Variants in SLC9A7 observed in about 807,000 individuals in gnomAD.
The protein encoded by SLC9A7 is sodium/hydrogen exchanger 7.
A neutral mutation model predicts 52.6 loss-of-function variants in SLC9A7; 19 were observed. The observed-to-expected ratio is 0.36, with a 90% confidence interval of 0.25 to 0.53. The LOEUF (loss-of-function observed/expected upper bound fraction) is 0.53, where lower values mean the gene tolerates loss of function less well. Ranked by LOEUF, SLC9A7 falls within the 20% of genes least tolerant of loss-of-function variation. SLC9A7 has a pLI of 0.91. For synonymous variants in SLC9A7, 226 were observed against 252.1 expected, an observed-to-expected ratio of 0.90 and a Z score of 0.98; for missense variants, 455 against 597.9, an observed-to-expected ratio of 0.76 and a Z score of 2.49.
chrX:46,715,622 A>G (rs1944757876), intron 1 of SLC9A7, among the ~76,000 whole-genome samples: 1 of 112,071 alleles, frequency 8.9e-6, no homozygotes, highest in Non-Finnish European at 1.9e-5. Context: ...CAGTCTTGAG[A>G]AGCCTTATAC....
chrX:46,662,148 A>C lies in SLC9A7; in HGVS notation c.909T>G (p.Val303=), dbSNP rs888168730. The change falls in exon 7 of 17, where the codon GTT becomes GTG. Residue 303 remains valine (V), a synonymous_variant. Transcript: ENST00000616978. ...AVAIVLSSSI[V]AYQPAGLNTH... ...TGTTCAGTCCCGCTGGCTGGTAGGCAACAATAGACCTAAAGTTTAAAAACA... is the reference window on the plus strand; with the variant it reads ...TGTTCAGTCCCGCTGGCTGGTAGGCCACAATAGACCTAAAGTTTAAAAACA... 1.7e-6 allele frequency: 2 copies of C among 1,205,762 alleles called. No individual in the cohort carries two copies. Among genetic ancestry groups the C allele is most frequent in the Non-Finnish European group, 2.2e-6 (2 of 893,457 alleles).
chrX:46,726,143 T>C (rs1009731047), intron 1 of SLC9A7, among the ~76,000 whole-genome samples: 6 of 110,824 alleles, frequency 5.4e-5, no homozygotes, highest in African/African-American at 2.0e-4. Context: ...ATCCTAACAC[T>C]TTGGGAGGCC....
chrX:46,682,024 G>T (rs1198521463), intron 2 of SLC9A7, among the ~76,000 whole-genome samples: 1 of 112,145 alleles, frequency 8.9e-6, no homozygotes, highest in Non-Finnish European at 1.9e-5. Context: ...AAGGATAAGA[G>T]ACATAGCAAA....
At chrX:46,670,438 G>A (rs1485152772) in intron 4 of SLC9A7, among the ~76,000 whole-genome samples, 2 of 111,178 alleles carry the variant, frequency 1.8e-5, no homozygotes, top group Non-Finnish European at 3.8e-5. Context: ...AAATTGGGAG[G>A]AGTGAGGAGT....
intron 13 of SLC9A7, among the ~76,000 whole-genome samples, chrX:46,634,157 C>T (rs1943280886): frequency 9.0e-6 from 1 of 111,399 alleles, no homozygotes; most frequent in South Asian, 3.7e-4. Context: ...TTTAGCATTC[C>T]CCTGATACAT....
intron 1 of SLC9A7, among the ~76,000 whole-genome samples, chrX:46,710,217 T>C (rs1161187854): frequency 1.8e-5 from 2 of 112,213 alleles, no homozygotes; most frequent in Non-Finnish European, 3.8e-5. Context: ...GCCAAAGTTA[T>C]GTGAGCAAGG....
At chrX:46,644,829 C>T (rs1943463991) in intron 11 of SLC9A7, among the ~76,000 whole-genome samples, 1 of 111,731 alleles carries the variant, frequency 9.0e-6, no homozygotes, top group South Asian at 3.7e-4. Context: ...CTACAATTCA[C>T]TAAAGAAGAG....
intron 1 of SLC9A7, among the ~76,000 whole-genome samples, chrX:46,686,563 G>T (rs1453593847): frequency 9.0e-6 from 1 of 111,563 alleles, no homozygotes; most frequent in Admixed American, 9.5e-5. Context: ...ATCCTGACAG[G>T]GAACTGTGAA....
At chrX:46,748,392 GA>G (rs1921968157) in intron 1 of SLC9A7, among the ~76,000 whole-genome samples, 1 of 103,548 alleles carries the variant, frequency 9.7e-6, no homozygotes, top group African/African-American at 3.5e-5. Flanking sequence ...AGGAAGGAAG[GA>G]AGGAAGGAAG....
Position 46,653,620 on chromosome X carries a change from CAGGCT to C in SLC9A7, c.1131_1135del (p.Ala378ArgfsTer36). On this transcript the variant is annotated frameshift_variant, in exon 8 of 17. Coordinates refer to ENST00000616978, the MANE Select transcript of SLC9A7 (RefSeq NM_001257291.2). LOFTEE classifies it high-confidence loss of function. Reference sequence around the variant, plus strand: ...TAGAAAAAACCTACCTGTAAATCCGCAGGCTTCTGCCAAGAGAAACGTGCTCCAGG... The same window carrying C: ...TAGAAAAAACCTACCTGTAAATCCGCTCTGCCAAGAGAAACGTGCTCCAGG... 1 of 1,207,908 alleles carries C rather than the reference CAGGCT, an allele frequency of 8.3e-7. No individual in the cohort carries two copies. The highest frequency in any genetic ancestry group is 1.1e-6 in the Non-Finnish European group (1 of 892,375).
intron 3 of SLC9A7, among the ~76,000 whole-genome samples, chrX:46,673,640 C>T (rs746013354): frequency 5.4e-5 from 6 of 112,107 alleles, no homozygotes; most frequent in East Asian, 2.8e-4. Flanking sequence ...AGGAGAGCCC[C>T]AGCATGTCAG....
chrX:46,744,631 C>T (rs1222921213), intron 1 of SLC9A7, among the ~76,000 whole-genome samples: 1 of 112,088 alleles, frequency 8.9e-6, no homozygotes, highest in Non-Finnish European at 1.9e-5. Context: ...GCCTATGATA[C>T]AATTTGAAAG....
chrX:46,753,700 T>C (rs1556289823), intron 1 of SLC9A7, among the ~76,000 whole-genome samples: 2 of 111,684 alleles, frequency 1.8e-5, no homozygotes. Context: ...AGAGTAGGTG[T>C]GGGCCGGGCA....
At chrX:46,668,432 C>G (rs917907813) in intron 5 of SLC9A7, among the ~76,000 whole-genome samples, 1 of 110,812 alleles carries the variant, frequency 9.0e-6, no homozygotes, top group South Asian at 3.8e-4. Flanking sequence ...GAGGCAGAGG[C>G]GGAGGCAGAG....
At chrX:46,732,553 G>GA (rs201154560) in intron 1 of SLC9A7, among the ~76,000 whole-genome samples, 150 of 89,377 alleles carry the variant, frequency 1.7e-3, no homozygotes, top group Non-Finnish European at 2.1e-3. Context: ...ACTGTCTCAA[G>GA]AAAAAAAAAA....
At chrX:46,706,595 C>T (rs986914756) in intron 1 of SLC9A7, among the ~76,000 whole-genome samples, 1 of 109,387 alleles carries the variant, frequency 9.1e-6, no homozygotes, top group Non-Finnish European at 1.9e-5. Context: ...ATCTCTCTGA[C>T]ACCTCTAACT....
At chrX:46,674,086 G>C (rs1261778230) in intron 3 of SLC9A7, among the ~76,000 whole-genome samples, 1 of 111,625 alleles carries the variant, frequency 9.0e-6, no homozygotes. Context: ...GGCTAGGAGT[G>C]TACCAAGAAC....
At chrX:46,758,602 A>T (rs782475941) in intron 1 of SLC9A7, 103 bp downstream of exon 1, 1 of 471,987 alleles carries the variant, frequency 2.1e-6, no homozygotes, top group Non-Finnish European at 3.3e-6. Context: ...AACGTAAAAG[A>T]AACGGAACAC....
At chrX:46,628,416 T>C (rs1210888525) in intron 14 of SLC9A7, among the ~76,000 whole-genome samples, 2 of 112,322 alleles carry the variant, frequency 1.8e-5, no homozygotes, top group Non-Finnish European at 3.8e-5. Flanking sequence ...TTTTTTGTCT[T>C]GTTTTGTTCT....
Sources: gnomAD v4.1 joint callset for allele counts (sites outside exome capture counted in the v4.1 genomes callset) on GRCh38, gnomAD v4.1.1 for gene constraint, MANE v1.5 for transcripts, NCBI Gene and HGNC (gene_info 2026-07-23, HGNC 2026-07-21) for gene names.